Variants in PARVG observed in about 807,000 individuals in gnomAD.
PARVG encodes gamma-parvin.
PARVG carries 36 observed loss-of-function variants against 44.4 expected under a neutral mutation model. That is an observed-to-expected ratio of 0.81 (90% confidence interval 0.62 to 1.07). The LOEUF (loss-of-function observed/expected upper bound fraction) is 1.07, where lower values mean the gene tolerates loss of function less well. Among genes scored for constraint, PARVG ranks in the 50% least tolerant of loss-of-function variants. PARVG has a pLI of 0.00. For missense variants in PARVG, 407 were observed against 407.4 expected (o/e 1.00, Z 0.01); for synonymous variants, 170 against 174.1 (o/e 0.98, Z 0.19).
At chr22:44,179,429 A>G (rs2054347968), upstream of PARVG, among the ~76,000 whole-genome samples, 1 of 152,168 alleles carries the variant, frequency 6.6e-6, no homozygotes, top group Non-Finnish European at 1.5e-5. This position sits in a 1 kb window ranked among gnomAD's most constrained non-coding sequence, Gnocchi z 4.2. Context: ...TTGAGCTGAG[A>G]ATGTAAAGCC....
At chr22:44,205,464 CGGGCAGTGGCCCCT>C (rs2054767709) in intron 12 of PARVG, among the ~76,000 whole-genome samples, 1 of 152,216 alleles carries the variant, frequency 6.6e-6, no homozygotes, top group Non-Finnish European at 1.5e-5. Context: ...GCCTTTTTCA[CGGGCAGTGGCCCCT>C]GGACGCAAGC....
upstream of PARVG, among the ~76,000 whole-genome samples, chr22:44,179,898 G>A (rs2147214537): frequency 6.6e-6 from 1 of 152,256 alleles, no homozygotes; most frequent in African/African-American, 2.4e-5. This position sits in a 1 kb window ranked among gnomAD's most constrained non-coding sequence, Gnocchi z 4.2. Context: ...GAATACTGCA[G>A]AGCTGGCTCC....
chr22:44,190,086 C>T (rs1189352072), intron 6 of PARVG, among the ~76,000 whole-genome samples: 3 of 152,154 alleles, frequency 2.0e-5, no homozygotes, highest in African/African-American at 4.8e-5. Context: ...CAAGGTTGGG[C>T]GGTGAGGATT....
intron 12 of PARVG, among the ~76,000 whole-genome samples, chr22:44,201,037 C>T (rs1406793105): frequency 1.3e-5 from 2 of 152,116 alleles, no homozygotes; most frequent in African/African-American, 4.8e-5. Flanking sequence ...GACCTCTGGC[C>T]CCCTTCCAGC....
chr22:44,199,004 T>A (rs1323178026), intron 12 of PARVG, among the ~76,000 whole-genome samples: 1 of 35,636 alleles, frequency 2.8e-5, no homozygotes, highest in African/African-American at 1.6e-4. Flanking sequence ...TACCTATCTA[T>A]CCATCCCCAT....
chr22:44,197,518 G>A (rs1185280437), intron 11 of PARVG, among the ~76,000 whole-genome samples: 4 of 152,172 alleles, frequency 2.6e-5, no homozygotes, highest in Admixed American at 6.5e-5. Flanking sequence ...TGGTGGCCAC[G>A]TGAGAAGTTT....
In PARVG at chr22:44,181,743, G is replaced by C; in HGVS notation, c.-187G>C. 2.0e-6 allele frequency: 2 copies of C among 985,440 alleles called. No homozygotes were observed. The highest frequency in any genetic ancestry group is 1.7e-5 in the African/African-American group (1 of 57,360). The allele number at this position is 985,440 out of a possible 1,614,324, so 61.0% of individuals were successfully genotyped here. On this transcript the variant is annotated splice_region_variant and 5_prime_UTR_variant, in exon 2 of 14. Transcript: ENST00000444313. ...CACCCCCCTCGGGCCCTGCCGCAGA[G>C]AGGAGGAAGCTCCTGCCGGCTGAGC...
chr22:44,192,163 A>G, intron 8 of PARVG, 59 bp downstream of exon 8: 2 of 758,562 alleles, frequency 2.6e-6, no homozygotes, highest in Non-Finnish European at 4.4e-6. Context: ...GGATGGGGGC[A>G]GGGTGGGGGC....
chr22:44,204,729 C>A (rs1434542785), intron 12 of PARVG, among the ~76,000 whole-genome samples: 1 of 152,238 alleles, frequency 6.6e-6, no homozygotes, highest in Non-Finnish European at 1.5e-5. Flanking sequence ...GCACAGCTGA[C>A]CCCCGGGCTG....
At chr22:44,185,747 G>A in intron 3 of PARVG, 61 bp from the exon 4 acceptor site, 1 of 1,433,742 alleles carries the variant, frequency 7.0e-7, no homozygotes, top group South Asian at 1.2e-5. Flanking sequence ...TGACCTGCAG[G>A]GAGTGTGGCC....
At chr22:44,197,164 A>G (rs2054630096) in intron 11 of PARVG, among the ~76,000 whole-genome samples, 1 of 152,130 alleles carries the variant, frequency 6.6e-6, no homozygotes, top group East Asian at 1.9e-4. Context: ...CAGATGGACC[A>G]GTTGGCTCAT....
chr22:44,198,902 CCATCT>C lies in PARVG; in HGVS notation c.813+181_813+185del, dbSNP rs1189084728. Among the ~76,000 whole-genome samples the C allele has an allele frequency of 2.0e-4, 30 of 148,736 alleles. 1 individual carries two copies. Among genetic ancestry groups the C allele is most frequent in the Admixed American group, 1.5e-3 (23 of 14,888 alleles). On this transcript the variant is annotated intron_variant, in intron 12 of 13. Transcript: ENST00000444313. ...TCCATCCACCTATTCACCTATCCAT[CCATCT>C]ACCCATCCATCCATCTACCCATCCA...
chr22:44,174,499 G>T (rs185580483), intron 1 of PARVG, among the ~76,000 whole-genome samples: 1 of 151,920 alleles, frequency 6.6e-6, no homozygotes, highest in East Asian at 1.9e-4. Flanking sequence ...TTGAGGCTAG[G>T]AGTTCAAGAC....
At chr22:44,189,362 G>A in intron 6 of PARVG, 108 bp downstream of exon 6, 1 of 1,484,836 alleles carries the variant, frequency 6.7e-7, no homozygotes, top group Non-Finnish European at 9.1e-7. Flanking sequence ...TCTCCCAGCA[G>A]GGGTACAACC....
intron 12 of PARVG, among the ~76,000 whole-genome samples, chr22:44,200,966 C>T (rs139565326): frequency 7.4e-4 from 112 of 152,192 alleles, no homozygotes; most frequent in African/African-American, 2.4e-3. Flanking sequence ...TCTGCCTCCC[C>T]GACCACGTCC....
In PARVG at chr22:44,190,712, T is replaced by G. The variant is rs1442208309; in HGVS notation, c.504+46T>G. 7 of 1,521,866 alleles carry G rather than the reference T, an allele frequency of 4.6e-6. No individual in the cohort carries two copies. The East Asian group carries it at 1.6e-4, about 34-fold the overall frequency. 94.3% of individuals were successfully genotyped at this position (1,521,866 alleles called of 1,614,324 possible). A position where few individuals can be genotyped will look rare whatever the true frequency, so the allele number is the denominator to read the frequency against. Reference sequence around the variant, plus strand: ...GATTTGTAAGCAGAAGCTGAGCCTCTTGGGCCCCCATTGCCGTACCCTGCA... The same window carrying G: ...GATTTGTAAGCAGAAGCTGAGCCTCGTGGGCCCCCATTGCCGTACCCTGCA... On this transcript the variant is annotated intron_variant, in intron 7 of 13. Coordinates refer to ENST00000444313, the MANE Select transcript of PARVG (RefSeq NM_022141.7).
intron 9 of PARVG, 149 bp downstream of exon 9, chr22:44,193,972 C>A: frequency 9.6e-7 from 1 of 1,046,350 alleles, no homozygotes; most frequent in Non-Finnish European, 1.4e-6. Context: ...TTCATTTGTC[C>A]CTCTTTCTGT....
At chr22:44,176,132 G>T (rs981802483), upstream of PARVG, among the ~76,000 whole-genome samples, 1 of 152,166 alleles carries the variant, frequency 6.6e-6, no homozygotes, top group Non-Finnish European at 1.5e-5. Context: ...ACACTGTGCC[G>T]GAAAGCAGGG....
chr22:44,187,282 C>A, intron 4 of PARVG: 1 of 179,682 alleles, frequency 5.6e-6, no homozygotes, highest in South Asian at 1.2e-4. Context: ...TCCTGGTCTC[C>A]CAGATCTGTG....
Sources: gnomAD v4.1 joint callset for allele counts (sites outside exome capture counted in the v4.1 genomes callset) on GRCh38, gnomAD v4.1.1 for gene constraint, Gnocchi (gnomAD v3.1) non-coding constraint, MANE v1.5 for transcripts, NCBI Gene and HGNC (gene_info 2026-07-23, HGNC 2026-07-21) for gene names.